Variants in GPHN observed in about 807,000 individuals in gnomAD.
GPHN encodes the protein gephyrin.
GPHN carries 17 observed loss-of-function variants against 95.5 expected under a neutral mutation model. The ratio of observed to expected loss-of-function variants is 0.18; its 90% CI spans 0.12 to 0.27. GPHN has a LOEUF of 0.27. Among genes scored for constraint, GPHN ranks in the 10% least tolerant of loss-of-function variants. GPHN has a pLI of 1.00. For missense variants in GPHN, 660 were observed against 978.1 expected (o/e 0.67, Z 4.34); for synonymous variants, 320 against 322.5 (o/e 0.99, Z 0.08).
the GPHN span, among the ~76,000 whole-genome samples, chr14:67,700,714 C>CAAA: frequency 1.0e-3 from 106 of 101,106 alleles, 1 homozygote; most frequent in African/African-American, 3.8e-3. Flanking sequence ...GACTCCATCT[C>CAAA]AAAAAAAAAA....
At chr14:67,573,041 G>C in the GPHN span, among the ~76,000 whole-genome samples, 1 of 152,212 alleles carries the variant, frequency 6.6e-6, no homozygotes, top group Non-Finnish European at 1.5e-5. The surrounding 1 kb of genome is among the most constrained non-coding windows in gnomAD (Gnocchi z 4.8). Context: ...CTCATAGTGA[G>C]GTCTTCCCCA....
At chr14:67,648,526 T>G in the GPHN span, 1 of 173,616 alleles carries the variant, frequency 5.8e-6, no homozygotes. Context: ...AGTGCAAGGC[T>G]GTAATTTGCA....
At chr14:66,837,179 G>T (rs2061864094) in intron 4 of GPHN, among the ~76,000 whole-genome samples, 1 of 151,434 alleles carries the variant, frequency 6.6e-6, no homozygotes, top group Non-Finnish European at 1.5e-5. Context: ...CAATAGCAAA[G>T]ACTTGGAACC....
chr14:67,352,150 G>A, the GPHN span, among the ~76,000 whole-genome samples: 3 of 151,884 alleles, frequency 2.0e-5, no homozygotes, highest in Admixed American at 6.6e-5. Flanking sequence ...AATAAAAACA[G>A]CACTCATAGA....
At chr14:67,340,305 C>A in the GPHN span, 1 of 704,524 alleles carries the variant, frequency 1.4e-6, no homozygotes, top group Non-Finnish European at 2.3e-6. Context: ...AATAATATTT[C>A]TTGCTGCTTA....
chr14:66,713,403 A>G (rs1049792375), intron 2 of GPHN, among the ~76,000 whole-genome samples: 1 of 151,814 alleles, frequency 6.6e-6, no homozygotes, highest in Admixed American at 6.6e-5. Flanking sequence ...TCCTTTCCCC[A>G]CTTTATGTTT....
intron 17 of GPHN, among the ~76,000 whole-genome samples, chr14:67,128,281 G>A (rs1438944524): frequency 6.7e-6 from 1 of 149,540 alleles, no homozygotes; most frequent in Non-Finnish European, 1.5e-5. Flanking sequence ...TTTTGAGACG[G>A]AGTCTCGCTC....
intron 3 of GPHN, among the ~76,000 whole-genome samples, chr14:66,788,215 G>A (rs995181031): frequency 3.9e-5 from 6 of 152,140 alleles, no homozygotes; most frequent in African/African-American, 4.8e-5. Flanking sequence ...AGGCTGAGGC[G>A]GGAGAATCGC....
the GPHN span, chr14:67,620,937 C>G: frequency 6.2e-7 from 1 of 1,614,124 alleles, no homozygotes; most frequent in South Asian, 1.1e-5. Context: ...ATAAGAGAAG[C>G]TGGCTTGATG....
chr14:67,212,195 G>C, the GPHN span, among the ~76,000 whole-genome samples: 1 of 152,058 alleles, frequency 6.6e-6, no homozygotes, highest in Non-Finnish European at 1.5e-5. Flanking sequence ...AGTACATAGA[G>C]GACTTTGGAC....
At chr14:67,183,150 G>C (rs943141401), downstream of GPHN, among the ~76,000 whole-genome samples, 1 of 152,022 alleles carries the variant, frequency 6.6e-6, no homozygotes, top group Non-Finnish European at 1.5e-5. Flanking sequence ...AATATAAGAA[G>C]AACAACAATT....
At chr14:67,597,257 C>G in the GPHN span, among the ~76,000 whole-genome samples, 1 of 152,188 alleles carries the variant, frequency 6.6e-6, no homozygotes, top group South Asian at 2.1e-4. Flanking sequence ...ATGGGGGGAT[C>G]GCTTGAGGCC....
chr14:67,341,708 G>A, the GPHN span, among the ~76,000 whole-genome samples: 20 of 152,384 alleles, frequency 1.3e-4, no homozygotes, highest in East Asian at 3.7e-3. Flanking sequence ...CTGAGAACAG[G>A]CCATGATGAC....
At chr14:67,593,501 AAAG>A in the GPHN span, 1 of 485,136 alleles carries the variant, frequency 2.1e-6, no homozygotes, top group Non-Finnish European at 3.7e-6. Flanking sequence ...AAAAAAAAAA[AAAG>A]AAAAAAGATA....
chr14:67,572,357 CAGTAG>C, the GPHN span: 1 of 1,247,412 alleles, frequency 8.0e-7, no homozygotes, highest in Non-Finnish European at 1.1e-6. Flanking sequence ...AAGACATAGG[CAGTAG>C]CTGCCTGAAG....
the GPHN span, among the ~76,000 whole-genome samples, chr14:67,205,875 A>G: frequency 6.6e-6 from 1 of 152,092 alleles, no homozygotes; most frequent in Non-Finnish European, 1.5e-5. Context: ...CTGCTGAAAA[A>G]CTTCCTCTAG....
chr14:66,800,675 C>T (rs1376677729), intron 3 of GPHN, among the ~76,000 whole-genome samples: 1 of 151,888 alleles, frequency 6.6e-6, no homozygotes, highest in Non-Finnish European at 1.5e-5. Context: ...ATTAAATAAT[C>T]TTAGGGTTCA....
At chr14:66,880,418 A>C (rs1309409981) in intron 5 of GPHN, among the ~76,000 whole-genome samples, 1 of 151,818 alleles carries the variant, frequency 6.6e-6, no homozygotes, top group African/African-American at 2.4e-5. Context: ...TCATATTACT[A>C]CTGGTAAAAG....
At chr14:66,913,116 CAT>C (rs1215047878) in intron 5 of GPHN, among the ~76,000 whole-genome samples, 2 of 152,066 alleles carry the variant, frequency 1.3e-5, no homozygotes, top group Non-Finnish European at 2.9e-5. Flanking sequence ...CTGTATGATG[CAT>C]ATGTTTCTGG....
Sources: allele counts gnomAD v4.1 joint callset (sites outside exome capture counted in the v4.1 genomes callset), GRCh38; gene constraint gnomAD v4.1.1; non-coding constraint Gnocchi (gnomAD v3.1); transcripts MANE v1.5; gene names NCBI Gene and HGNC (gene_info 2026-07-23, HGNC 2026-07-21).